Variants in FHIT observed in about 807,000 individuals in gnomAD.
FHIT encodes the protein fragile histidine triad diadenosine triphosphatase, also known as bis(5'-adenosyl)-triphosphatase.
In FHIT, 19 loss-of-function variants were observed where a neutral mutation model predicts 17.9. That is an observed-to-expected ratio of 1.06 (90% CI 0.74 to 1.56). The LOEUF is 1.56. Ranked by LOEUF, FHIT falls within the 40% of genes most tolerant of loss-of-function variation. FHIT has a pLI of 0.00. For missense variants in FHIT, 248 were observed against 189.2 expected (o/e 1.31, Z -1.82); for synonymous variants, 81 against 69.7 (o/e 1.16, Z -0.81).
intron 3 of FHIT, among the ~76,000 whole-genome samples, chr3:60,878,104 C>T (rs9834435): frequency 0.24 from 36,251 of 151,988 alleles, 4,821 homozygotes; most frequent in African/African-American, 0.34. Flanking sequence ...TTTCCCAGAG[C>T]TGAGCCAGGG....
At chr3:60,386,850 T>C (rs2107136280) in intron 5 of FHIT, among the ~76,000 whole-genome samples, 1 of 152,254 alleles carries the variant, frequency 6.6e-6, no homozygotes, top group East Asian at 1.9e-4. Context: ...AACAGAACTA[T>C]GTCCACTATA....
intron 3 of FHIT, among the ~76,000 whole-genome samples, chr3:60,829,559 G>A (rs781911858): frequency 6.6e-6 from 1 of 152,088 alleles, no homozygotes; most frequent in Non-Finnish European, 1.5e-5. Context: ...TAGAAGAGGA[G>A]AAAAAAGTAA....
At chr3:60,559,263 C>T (rs984314948) in intron 4 of FHIT, among the ~76,000 whole-genome samples, 5 of 152,110 alleles carry the variant, frequency 3.3e-5, no homozygotes, top group African/African-American at 1.2e-4. Flanking sequence ...ATTAAAATTT[C>T]CCTAGAGGCA....
chr3:60,796,435 G>C (rs1345545343), intron 4 of FHIT, among the ~76,000 whole-genome samples: 1 of 151,852 alleles, frequency 6.6e-6, no homozygotes, highest in African/African-American at 2.4e-5. Context: ...GGTGTTAAAG[G>C]CTGTATACAT....
intron 5 of FHIT, among the ~76,000 whole-genome samples, chr3:60,272,936 C>G (rs1432279603): frequency 6.6e-6 from 1 of 152,208 alleles, no homozygotes; most frequent in Admixed American, 6.5e-5. Context: ...AAGGTGCTAT[C>G]AAATTAACGT....
chr3:60,713,858 G>T (rs1477781872), intron 4 of FHIT, among the ~76,000 whole-genome samples: 1 of 151,494 alleles, frequency 6.6e-6, no homozygotes, highest in African/African-American at 2.4e-5. Flanking sequence ...AGAGGTACAA[G>T]GAGGAACTGG....
chr3:60,330,090 T>C (rs184169095), intron 5 of FHIT, among the ~76,000 whole-genome samples: 1 of 152,326 alleles, frequency 6.6e-6, no homozygotes, highest in Admixed American at 6.5e-5. Context: ...AGCAAATGGC[T>C]GTGGAATCTG....
chr3:60,372,723 A>C (rs963204632), intron 5 of FHIT, among the ~76,000 whole-genome samples: 1 of 152,026 alleles, frequency 6.6e-6, no homozygotes, highest in Non-Finnish European at 1.5e-5. Context: ...TCCATTCTCA[A>C]TTTGCTTTAG....
chr3:60,121,709 A>AAAACACACACAC (rs1553690214), intron 5 of FHIT, among the ~76,000 whole-genome samples: 32 of 116,416 alleles, frequency 2.7e-4, no homozygotes, highest in African/African-American at 9.4e-4. Context: ...AAACAAAACA[A>AAAACACACACAC]ACACACACAC....
chr3:60,478,319 G>A (rs1296931002), intron 5 of FHIT, among the ~76,000 whole-genome samples: 1 of 152,178 alleles, frequency 6.6e-6, no homozygotes, highest in African/African-American at 2.4e-5. Flanking sequence ...TAACTAACCT[G>A]GGTCTTTTGC....
intron 5 of FHIT, among the ~76,000 whole-genome samples, chr3:60,422,623 G>T (rs2107268204): frequency 6.6e-6 from 1 of 152,178 alleles, no homozygotes; most frequent in African/African-American, 2.4e-5. Context: ...ATTGAAGCTG[G>T]CATGCCTTTC....
chr3:59,935,429 CA>C (rs1706187103), intron 7 of FHIT, among the ~76,000 whole-genome samples: 1 of 152,112 alleles, frequency 6.6e-6, no homozygotes. Context: ...GTGTACTCTT[CA>C]GACTCTTTCA....
chr3:61,118,390 G>A (rs570692796), intron 2 of FHIT, among the ~76,000 whole-genome samples: 17 of 130,528 alleles, frequency 1.3e-4, no homozygotes, highest in Admixed American at 1.1e-3. Flanking sequence ...CATGTTCACT[G>A]GAGGATCTTT....
At chr3:60,136,715 C>G (rs1038076096) in intron 5 of FHIT, among the ~76,000 whole-genome samples, 1 of 152,092 alleles carries the variant, frequency 6.6e-6, no homozygotes, top group Non-Finnish European at 1.5e-5. Context: ...TTGTTAAGAC[C>G]GCACATTGCA....
chr3:59,919,203 C>T (rs984583039), intron 8 of FHIT, among the ~76,000 whole-genome samples: 2 of 152,216 alleles, frequency 1.3e-5, no homozygotes, highest in Admixed American at 1.3e-4. Context: ...CATGCACTGA[C>T]CAAATGTAGA....
intron 8 of FHIT, among the ~76,000 whole-genome samples, chr3:59,880,924 T>C (rs1703381840): frequency 6.6e-6 from 1 of 152,204 alleles, no homozygotes; most frequent in South Asian, 2.1e-4. Flanking sequence ...TTAAGCCTCT[T>C]TGAGCAATGC....
At chr3:60,225,087 T>G (rs745612940) in intron 5 of FHIT, among the ~76,000 whole-genome samples, 1 of 152,140 alleles carries the variant, frequency 6.6e-6, no homozygotes, top group Non-Finnish European at 1.5e-5. Context: ...CCAAGCTAGG[T>G]AGAATTTCGT....
chr3:61,167,758 G>A (rs988381881), intron 2 of FHIT, among the ~76,000 whole-genome samples: 8 of 151,904 alleles, frequency 5.3e-5, no homozygotes, highest in Non-Finnish European at 1.2e-4. Context: ...AGGTGGAAAG[G>A]AACAGGGAGA....
chr3:61,235,954 A>G (rs1273135714), intron 1 of FHIT, among the ~76,000 whole-genome samples: 1 of 151,788 alleles, frequency 6.6e-6, no homozygotes, highest in Non-Finnish European at 1.5e-5. Context: ...AATCACTAAC[A>G]TGTCATTAGT....
Sources: gnomAD v4.1 joint callset for allele counts (sites outside exome capture counted in the v4.1 genomes callset) on GRCh38, gnomAD v4.1.1 for gene constraint, MANE v1.5 for transcripts, NCBI Gene and HGNC (gene_info 2026-07-23, HGNC 2026-07-21) for gene names.